Variants in ATP13A3 observed in about 807,000 individuals in gnomAD.
ATP13A3 encodes polyamine-transporting ATPase 13A3.
A neutral mutation model predicts 158.1 loss-of-function variants in ATP13A3; 59 were observed. That is an observed-to-expected ratio of 0.37 (90% CI 0.30 to 0.46). The LOEUF is 0.46. Among genes scored for constraint, ATP13A3 ranks in the 20% least tolerant of loss-of-function variants. The pLI, the probability that ATP13A3 is intolerant of heterozygous loss-of-function variation, is 1.00. For synonymous variants in ATP13A3, 491 were observed against 504.3 expected, an observed-to-expected ratio of 0.97 and a Z score of 0.35; for missense variants, 1,166 against 1,525.2, an observed-to-expected ratio of 0.76 and a Z score of 3.92.
intron 21 of ATP13A3, among the ~76,000 whole-genome samples, chr3:194,432,903 T>C (rs746047972): frequency 6.6e-6 from 1 of 152,024 alleles, no homozygotes; most frequent in Non-Finnish European, 1.5e-5. Flanking sequence ...TATAGTAACA[T>C]CAGGAGAATC....
intron 2 of ATP13A3, among the ~76,000 whole-genome samples, chr3:194,469,735 G>C (rs1306706662): frequency 3.9e-5 from 6 of 152,056 alleles, no homozygotes; most frequent in Admixed American, 3.9e-4. Context: ...CACAAGCCAA[G>C]AGTGCTTTAA....
Position 194,429,802 on chromosome 3 carries a change from A to G in ATP13A3, c.2778-28T>C, listed in dbSNP as rs182146490. 4 of 1,588,108 alleles carry G rather than the reference A, an allele frequency of 2.5e-6. No homozygotes were observed. The African/African-American group carries it at 4.0e-5, about 16-fold the overall frequency. On this transcript the variant is annotated intron_variant, in intron 26 of 33. Transcript: ENST00000645319. ...GTGAAAAGAAATCAAATGTCGGCATATGAATAGAAGCATTTTAAACTCCTT... is the reference window on the plus strand; with the variant it reads ...GTGAAAAGAAATCAAATGTCGGCATGTGAATAGAAGCATTTTAAACTCCTT...
Position 194,419,912 on chromosome 3 carries a change from C to A in ATP13A3, c.3369G>T (p.Leu1123Phe). Residue 1123 changes from leucine (L) to phenylalanine (F), a missense_variant, in exon 31 of 34, where the codon TTG (leucine) becomes TTT (phenylalanine). Physicochemically the swap from Leu to Phe is conservative, Grantham distance 22. This residue lies in a region of ATP13A3 where 997 missense variants were observed against 1,341.2 expected (regional missense o/e 0.74). Coordinates refer to ENST00000645319, the MANE Select transcript of ATP13A3 (RefSeq NM_001367549.1). ...CCTGGTCAACAGAGGCAACTGGATA[C>A]AACATGATGAATAATATAAAAATAT... ...FLYIFILFIM[L>F]YPVASVDQVL... is the part of the protein sequence containing the mutation. 6.4e-7 allele frequency: 1 copy of A among 1,554,988 alleles called. No individual in the cohort carries two copies.
upstream of ATP13A3, chr3:194,487,058 G>A (rs112961781): frequency 6.6e-6 from 1 of 152,092 alleles, no homozygotes; most frequent in African/African-American, 2.4e-5. Flanking sequence ...AGGGCGGAGG[G>A]GCGCGGGCGA....
chr3:194,460,578 C>G, intron 4 of ATP13A3, 80 bp downstream of exon 4: 2 of 1,405,552 alleles, frequency 1.4e-6, no homozygotes, highest in Non-Finnish European at 1.9e-6. Context: ...TTCCCTTCAT[C>G]TATTATTTCG....
intron 28 of ATP13A3, among the ~76,000 whole-genome samples, chr3:194,428,260 T>C (rs1447065767): frequency 2.0e-5 from 3 of 151,818 alleles, no homozygotes; most frequent in Non-Finnish European, 4.4e-5. Context: ...TTTCTATTTT[T>C]CCCTTTGTAA....
intron 2 of ATP13A3, chr3:194,468,386 T>TAAAAAAA (rs35011462): frequency 8.9e-6 from 1 of 111,878 alleles, no homozygotes; most frequent in African/African-American, 3.9e-5. Flanking sequence ...TGTGTGAGTT[T>TAAAAAAA]AAAAAAAAAA....
intron 20 of ATP13A3, among the ~76,000 whole-genome samples, chr3:194,434,359 T>C (rs1234097392): frequency 3.3e-5 from 5 of 152,136 alleles, no homozygotes; most frequent in Non-Finnish European, 4.4e-5. Context: ...AATCCAACAA[T>C]GAGATCTACT....
chr3:194,451,935 C>T (rs896373223), intron 10 of ATP13A3: 2 of 152,292 alleles, frequency 1.3e-5, no homozygotes, highest in Admixed American at 6.5e-5. Flanking sequence ...TTTTCATCTC[C>T]GCAATTGCTA....
At chr3:194,449,005 T>G (rs1718599220) in intron 11 of ATP13A3, among the ~76,000 whole-genome samples, 1 of 151,160 alleles carries the variant, frequency 6.6e-6, no homozygotes, top group Non-Finnish European at 1.5e-5. Flanking sequence ...TGGAAAGCAC[T>G]GTACAGAAGA....
chr3:194,481,479 T>TGGG (rs1416953113), intron 2 of ATP13A3, among the ~76,000 whole-genome samples: 1 of 152,130 alleles, frequency 6.6e-6, no homozygotes, highest in Admixed American at 6.6e-5. Flanking sequence ...AGAAAGGATC[T>TGGG]GGGGTTAGAC....
chr3:194,479,681 T>C (rs1720673097), intron 2 of ATP13A3, among the ~76,000 whole-genome samples: 1 of 152,018 alleles, frequency 6.6e-6, no homozygotes, highest in African/African-American at 2.4e-5. Context: ...AATTGAAATA[T>C]AATTCAAAGT....
At chr3:194,410,554 G>C (rs1338798599) in intron 33 of ATP13A3, among the ~76,000 whole-genome samples, 2 of 152,020 alleles carry the variant, frequency 1.3e-5, no homozygotes, top group African/African-American at 4.8e-5. Flanking sequence ...GGGTGACAGA[G>C]TGAGACCCTG....
At chr3:194,468,386 T>TAAAAAAAAAA (rs35011462) in intron 2 of ATP13A3, 16 of 111,848 alleles carry the variant, frequency 1.4e-4, no homozygotes, top group African/African-American at 6.3e-4. Flanking sequence ...TGTGTGAGTT[T>TAAAAAAAAAA]AAAAAAAAAA....
intron 21 of ATP13A3, among the ~76,000 whole-genome samples, chr3:194,433,148 A>T (rs1291549860): frequency 6.6e-6 from 1 of 152,164 alleles, no homozygotes; most frequent in Non-Finnish European, 1.5e-5. Flanking sequence ...CACAAGGTAC[A>T]ATAAGTGCTA....
intron 29 of ATP13A3, among the ~76,000 whole-genome samples, chr3:194,426,051 G>C (rs529461898): frequency 2.3e-4 from 35 of 152,178 alleles, no homozygotes; most frequent in Non-Finnish European, 4.6e-4. Flanking sequence ...ATCAGGCACA[G>C]AAACAGCTAA....
intron 33 of ATP13A3, among the ~76,000 whole-genome samples, chr3:194,406,860 A>G (rs557825342): frequency 3.3e-5 from 5 of 152,238 alleles, no homozygotes; most frequent in Non-Finnish European, 7.3e-5. Context: ...TATAAAAAAC[A>G]ATACTGTTTT....
chr3:194,486,787 C>T lies in ATP13A3; in HGVS notation c.-310G>A, dbSNP rs1330705905. The T allele has an allele frequency of 1.3e-5, 2 of 151,370 alleles. No individual in the cohort carries two copies. The highest frequency in any genetic ancestry group is 2.9e-5 in the Non-Finnish European group (2 of 67,842). 9.4% of individuals were successfully genotyped at this position (151,370 alleles called of 1,614,324 possible). On this transcript the variant is annotated 5_prime_UTR_variant, in exon 1 of 34. Transcript: ENST00000645319. Reference sequence around the variant, plus strand: ...CCGGCCCTGGGACGTCCGCGCTCTCCTCCTCCTCCGCGCCCGCGGCGGCGG... The same window carrying T: ...CCGGCCCTGGGACGTCCGCGCTCTCTTCCTCCTCCGCGCCCGCGGCGGCGG...
intron 24 of ATP13A3, 50 bp from the exon 25 acceptor site, chr3:194,430,365 A>G (rs773581747): frequency 1.6e-5 from 25 of 1,559,668 alleles, no homozygotes; most frequent in Non-Finnish European, 2.2e-5. Flanking sequence ...TAAACTACAA[A>G]ACATTTAACT....
Sources: allele counts gnomAD v4.1 joint callset (sites outside exome capture counted in the v4.1 genomes callset), GRCh38; gene constraint gnomAD v4.1.1; regional missense constraint gnomAD v4.1.1; transcripts MANE v1.5; gene names NCBI Gene and HGNC (gene_info 2026-07-23, HGNC 2026-07-21).